The following LDB1 variants were observed in gnomAD, a reference collection of about 807,000 sequenced individuals.
LDB1 encodes LIM domain binding 1.
A neutral mutation model predicts 49.7 loss-of-function variants in LDB1; 6 were observed. That is an observed-to-expected ratio of 0.12 (90% CI 0.07 to 0.24). The LOEUF (loss-of-function observed/expected upper bound fraction) is 0.24, where lower values mean the gene tolerates loss of function less well. Ranked by LOEUF, LDB1 falls within the 10% of genes least tolerant of loss-of-function variation. LDB1 has a pLI of 1.00. For synonymous variants in LDB1, 233 were observed against 202.0 expected (o/e 1.15, Z -1.30); for missense variants, 341 against 561.7 (o/e 0.61, Z 3.97).
chr10:102,120,401 G>T, upstream of LDB1: 7 of 984,256 alleles, frequency 7.1e-6, no homozygotes, highest in Non-Finnish European at 8.4e-6. Context: ...GTGTGCGTGT[G>T]CGTGTCTGTG....
rs1440518521 is a variant in LDB1 at position 102,111,293 on chromosome 10, G to A, written c.136C>T (p.Pro46Ser). The stretch of plus-strand genomic sequence containing the variant: ...TCCAGGTATGTAGGCGGATACATGG[G>A]AGTTGGGCTGTGTAAAGGAAGAGGC... Reference protein sequence around the residue: ...TMLDRDVGPTPMYPPTYLEPG... With the variant: ...TMLDRDVGPTSMYPPTYLEPG... Residue 46 changes from proline (P) to serine (S), a missense_variant, in exon 3 of 11, where the codon CCC becomes TCC. This residue lies in a region of LDB1 where 48 missense variants were observed against 43.9 expected (regional missense o/e 1.09). Coordinates refer to ENST00000673968, the MANE Select transcript of LDB1 (RefSeq NM_001113407.3). 2 of 1,614,002 alleles carry A rather than the reference G, an allele frequency of 1.2e-6. No homozygotes were observed. The highest frequency in any genetic ancestry group is 1.7e-6 in the Non-Finnish European group (2 of 1,179,994).
intron 5 of LDB1, 50 bp from the exon 6 acceptor site, chr10:102,110,751 C>A (rs1421931929): frequency 6.3e-7 from 1 of 1,590,824 alleles, no homozygotes; most frequent in Non-Finnish European, 8.6e-7. Flanking sequence ...CAAAAGGGGC[C>A]AGGCAGATGC....
rs973187926 is a variant in LDB1 at position 102,117,811 on chromosome 10, C to T, written c.25+2275G>A. On this transcript the variant is annotated intron_variant, in intron 1 of 10. Coordinates refer to ENST00000673968, the MANE Select transcript of LDB1 (RefSeq NM_001113407.3). This position sits in a 1 kb window ranked among gnomAD's most constrained non-coding sequence, Gnocchi z 4.2. ...TCTCCCTGCTCCCAGCCATTCCAGC[C>T]CCAGAAGCTGGTCCTCACCCCAGGA... 6.6e-6 allele frequency among the ~76,000 whole-genome samples: 1 copy of T among 152,198 alleles called. No homozygotes were observed.
intron 5 of LDB1, 34 bp downstream of exon 5, chr10:102,110,835 A>G (rs754586358): frequency 1.5e-5 from 24 of 1,590,964 alleles, no homozygotes; most frequent in Non-Finnish European, 2.0e-5. Context: ...TAGGAGGTAT[A>G]CACCCTCATA....
downstream of LDB1, among the ~76,000 whole-genome samples, chr10:102,102,205 G>A (rs750769978): frequency 6.6e-6 from 1 of 152,238 alleles, no homozygotes; most frequent in Non-Finnish European, 1.5e-5. Flanking sequence ...GATTACAGGC[G>A]TAAGCCACCG....
At chr10:102,110,402 C>T (rs1201186223) in intron 6 of LDB1, 127 bp downstream of exon 6, 9 of 940,874 alleles carry the variant, frequency 9.6e-6, no homozygotes, top group Non-Finnish European at 1.3e-5. Context: ...AACATGCCTA[C>T]CCGCCCTTCT....
At chr10:102,116,545 A>G (rs915217037) in intron 1 of LDB1, among the ~76,000 whole-genome samples, 1 of 152,110 alleles carries the variant, frequency 6.6e-6, no homozygotes, top group Admixed American at 6.5e-5. Context: ...ACACACACAC[A>G]GTCTAAGTCA....
At chr10:102,115,267 G>A (rs2068321869) in intron 1 of LDB1, among the ~76,000 whole-genome samples, 1 of 152,124 alleles carries the variant, frequency 6.6e-6, no homozygotes. Flanking sequence ...GAGTGAGCAG[G>A]TGGGCCAAAG....
In LDB1 at chr10:102,107,772, G is replaced by T. The variant is rs1174608997; in HGVS notation, c.*321C>A. 7.4e-6 allele frequency: 3 copies of T among 403,162 alleles called. No individual in the cohort carries two copies. The highest frequency in any genetic ancestry group is 1.4e-5 in the Non-Finnish European group (3 of 218,768). 25.0% of individuals were successfully genotyped at this position (403,162 alleles called of 1,614,324 possible). A position where few individuals can be genotyped will look rare whatever the true frequency, so the allele number is the denominator to read the frequency against. On this transcript the variant is annotated 3_prime_UTR_variant, in exon 11 of 11. Transcript: ENST00000673968. ...TGAAAGGGGTAAAGTCAGGGGGATG[G>T]GAAACCCACAATCTGGGGTGAAGAT...
intron 1 of LDB1, chr10:102,114,812 G>GGGGGGGCCCCCCCCC: frequency 6.5e-6 from 6 of 929,812 alleles, no homozygotes; most frequent in African/African-American, 1.8e-5. Flanking sequence ...CCTCCGAGCA[G>GGGGGGGCCCCCCCCC]CCCGCCCGCC....
At position 102,109,366 on chromosome 10, in the gene LDB1, C is replaced by A. The variant is rs1420756319; in HGVS notation, c.856+18G>T. 3.7e-6 allele frequency: 6 copies of A among 1,613,678 alleles called. No homozygotes were observed. The South Asian group carries it at 5.5e-5, about 15-fold the overall frequency. ...GAGCGGTGTGAGATCCTGGTAAGAG[C>A]AGGTGCAAGGCACTCACCAGGGGGT... On this transcript the variant is annotated intron_variant, in intron 9 of 10. Transcript: ENST00000673968. The surrounding 1 kb of genome is among the most constrained non-coding windows in gnomAD (Gnocchi z 5.8).
Position 102,106,927 on chromosome 10 carries a change from G to A in LDB1, c.*1166C>T, listed in dbSNP as rs904732435. Among the ~76,000 whole-genome samples the A allele has an allele frequency of 2.0e-5, 3 of 152,214 alleles. No individual in the cohort carries two copies. The highest frequency in any genetic ancestry group is 3.9e-4 in the East Asian group (2 of 5,174). On this transcript the variant is annotated 3_prime_UTR_variant, in exon 11 of 11. Transcript: ENST00000673968. The stretch of plus-strand genomic sequence containing the variant: ...ACCCTCTACCTCTACCTCACCTATG[G>A]GGACAGAGGCCTGTTCCTCCCTGGT...
Position 102,109,394 on chromosome 10 carries a change from T to A in LDB1, c.846A>T (p.Val282=). 6.2e-7 allele frequency: 1 copy of A among 1,614,102 alleles called. No homozygotes were observed. Among genetic ancestry groups the A allele is most frequent in the Non-Finnish European group, 8.5e-7 (1 of 1,180,026 alleles). ...GTGCAAGGCACTCACCAGGGGGTGC[T>A]ACCATGCGCTGCCACTTCTGGAAAA... ...TCLFQKWQRM[V]APPAEPTRQQ... is the part of the protein sequence containing the mutation. Residue 282 remains valine, a synonymous_variant, in exon 9 of 11, where the codon GTA becomes GTT. Transcript: ENST00000673968. This position sits in a 1 kb window ranked among gnomAD's most constrained non-coding sequence, Gnocchi z 5.8.
Position 102,107,168 on chromosome 10 carries a change from C to T in LDB1, c.*925G>A, listed in dbSNP as rs1025160516. Among the ~76,000 whole-genome samples, 66 of 152,100 alleles carry T rather than the reference C, an allele frequency of 4.3e-4. No homozygotes were observed. The highest frequency in any genetic ancestry group is 1.5e-3 in the African/African-American group (63 of 41,398). ...TCCCTAAGGGAAGGAGCCTCCCCTC[C>T]CCGCATCCTAGACAGCTGCTCTTGT... On this transcript the variant is annotated 3_prime_UTR_variant, in exon 11 of 11. Transcript: ENST00000673968.
At position 102,120,118 on chromosome 10, in the gene LDB1, T is replaced by C; in HGVS notation, c.-8A>G. On this transcript the variant is annotated 5_prime_UTR_variant, in exon 1 of 11. It removes an upstream start codon present in the reference 5' UTR. Coordinates refer to ENST00000673968, the MANE Select transcript of LDB1 (RefSeq NM_001113407.3). ...GGCACAGCCCACTGACATCTTCACA[T>C]CGCCCGCCTCTGGGGGCCCAGCCGA... 1 of 1,347,862 alleles carries C rather than the reference T, an allele frequency of 7.4e-7. No individual in the cohort carries two copies. 83.5% of individuals were successfully genotyped at this position (1,347,862 alleles called of 1,614,324 possible). A position where few individuals can be genotyped will look rare whatever the true frequency, so the allele number is the denominator to read the frequency against.
At chr10:102,105,599 A>G (rs1208555374), downstream of LDB1, among the ~76,000 whole-genome samples, 1 of 151,818 alleles carries the variant, frequency 6.6e-6, no homozygotes, top group Admixed American at 6.6e-5. Context: ...CCCAGTCTGG[A>G]GAGTAGCAAT....
At chr10:102,105,050 T>G (rs1235899403), downstream of LDB1, among the ~76,000 whole-genome samples, 2 of 151,666 alleles carry the variant, frequency 1.3e-5, no homozygotes, top group African/African-American at 4.8e-5. Context: ...CACATGTATA[T>G]ACTCCCTTAC....
At chr10:102,112,580 C>T (rs555524114) in intron 1 of LDB1, among the ~76,000 whole-genome samples, 2 of 152,218 alleles carry the variant, frequency 1.3e-5, no homozygotes, top group East Asian at 3.9e-4. Flanking sequence ...AACGGCCACT[C>T]CCTTATCAGC....
intron 5 of LDB1, 69 bp from the exon 6 acceptor site, chr10:102,110,770 C>G: frequency 6.3e-7 from 1 of 1,579,778 alleles, no homozygotes. Flanking sequence ...GCCTCCCCTA[C>G]CAATCTAGAT....
Sources: gnomAD v4.1 joint callset for allele counts (sites outside exome capture counted in the v4.1 genomes callset) on GRCh38, gnomAD v4.1.1 for gene constraint, gnomAD v4.1.1 regional missense constraint, Gnocchi (gnomAD v3.1) non-coding constraint, MANE v1.5 for transcripts, NCBI Gene and HGNC (gene_info 2026-07-23, HGNC 2026-07-21) for gene names.